The following UNC5D variants were observed in gnomAD, a reference collection of about 807,000 sequenced individuals.
The protein encoded by UNC5D is unc-5 netrin receptor D.
UNC5D carries 39 observed loss-of-function variants against 105.4 expected under a neutral mutation model. The ratio of observed to expected loss-of-function variants is 0.37; its 90% CI spans 0.29 to 0.48. UNC5D has a LOEUF of 0.48. Among genes scored for constraint, UNC5D ranks in the 20% least tolerant of loss-of-function variants. UNC5D has a pLI of 0.98. For missense variants in UNC5D, 991 were observed against 1,202.4 expected (o/e 0.82, Z 2.60); for synonymous variants, 452 against 450.4 (o/e 1.00, Z -0.04).
intron 16 of UNC5D, among the ~76,000 whole-genome samples, chr8:35,780,174 A>G (rs1802439005): frequency 6.6e-6 from 1 of 152,208 alleles, no homozygotes; most frequent in African/African-American, 2.4e-5. Flanking sequence ...GAACATGTAT[A>G]AGCACTTGCC....
intron 1 of UNC5D, among the ~76,000 whole-genome samples, chr8:35,433,644 T>C (rs1239073085): frequency 6.6e-6 from 1 of 152,000 alleles, no homozygotes; most frequent in Non-Finnish European, 1.5e-5. Flanking sequence ...TTATATCTTT[T>C]TAATTGGTTT....
intron 2 of UNC5D, 94 bp downstream of exon 2, chr8:35,549,604 G>A: frequency 8.3e-7 from 1 of 1,208,596 alleles, no homozygotes; most frequent in African/African-American, 1.5e-5. Context: ...ACCCCCCATT[G>A]CCTTGTGTGA....
intron 1 of UNC5D, among the ~76,000 whole-genome samples, chr8:35,283,200 C>T (rs935523631): frequency 2.6e-5 from 4 of 152,080 alleles, no homozygotes; most frequent in Non-Finnish European, 4.4e-5. Context: ...AAAATTTGCT[C>T]ATGTAATCTT....
At chr8:35,513,433 T>A (rs549915712) in intron 1 of UNC5D, among the ~76,000 whole-genome samples, 6 of 152,114 alleles carry the variant, frequency 3.9e-5, no homozygotes, top group African/African-American at 1.4e-4. Context: ...TTCATCATGT[T>A]GGTCAGGCTG....
intron 4 of UNC5D, among the ~76,000 whole-genome samples, chr8:35,679,752 G>C (rs1825532604): frequency 6.8e-6 from 1 of 146,526 alleles, no homozygotes; most frequent in South Asian, 2.1e-4. Context: ...GTCCTAGAAA[G>C]AAGATCATGG....
intron 11 of UNC5D, among the ~76,000 whole-genome samples, chr8:35,732,541 T>C (rs1237477493): frequency 2.6e-5 from 4 of 152,196 alleles, no homozygotes; most frequent in Non-Finnish European, 5.9e-5. Context: ...GTTCCCTGGA[T>C]GGAAGTCACC....
At chr8:35,369,636 G>A (rs1802317322) in intron 1 of UNC5D, among the ~76,000 whole-genome samples, 2 of 152,156 alleles carry the variant, frequency 1.3e-5, no homozygotes, top group Admixed American at 1.3e-4. Flanking sequence ...GTCCTGTGGA[G>A]CTCTTTTTTC....
chr8:35,769,055 G>A (rs1274087919), intron 15 of UNC5D, among the ~76,000 whole-genome samples: 1 of 152,110 alleles, frequency 6.6e-6, no homozygotes, highest in Non-Finnish European at 1.5e-5. Flanking sequence ...CATTTTCTGT[G>A]TCAGAAGATG....
chr8:35,314,381 A>G (rs958340180), intron 1 of UNC5D, among the ~76,000 whole-genome samples: 2 of 152,164 alleles, frequency 1.3e-5, no homozygotes, highest in African/African-American at 2.4e-5. Context: ...TGAAAGTACA[A>G]TTATTTTGCC....
In UNC5D at chr8:35,305,581, CTTTCTTTCTT is replaced by C. The variant is rs1563297676; in HGVS notation, c.103+69696_103+69705del. Among the ~76,000 whole-genome samples the C allele has an allele frequency of 2.1e-3, 193 of 93,620 alleles. 2 individuals are homozygous for C. Among genetic ancestry groups the C allele is most frequent in the African/African-American group, 5.1e-3 (109 of 21,504 alleles). 61.4% of individuals were successfully genotyped at this position (93,620 alleles called of 152,430 possible). ...TTCCTTCCTTTCTTTCTTTCTTTTTCTTTCTTTCTTTCTTTCTTTCTTTCTTTCTTTCTTT... is the reference window on the plus strand; with the variant it reads ...TTCCTTCCTTTCTTTCTTTCTTTTTCTCTTTCTTTCTTTCTTTCTTTCTTT... On this transcript the variant is annotated intron_variant, in intron 1 of 16. Transcript: ENST00000404895.
intron 1 of UNC5D, among the ~76,000 whole-genome samples, chr8:35,263,985 A>G (rs1388804493): frequency 6.6e-6 from 1 of 152,226 alleles, no homozygotes; most frequent in Non-Finnish European, 1.5e-5. Context: ...TAATACCAGT[A>G]TTTATTTAAT....
At chr8:35,633,667 A>G (rs1822186094) in intron 4 of UNC5D, among the ~76,000 whole-genome samples, 1 of 152,146 alleles carries the variant, frequency 6.6e-6, no homozygotes, top group South Asian at 2.1e-4. Flanking sequence ...AGGCAAGAGG[A>G]TTGCTTGAGC....
intron 1 of UNC5D, among the ~76,000 whole-genome samples, chr8:35,545,696 C>T (rs201429996): frequency 1.3e-5 from 2 of 151,960 alleles, no homozygotes; most frequent in Non-Finnish European, 2.9e-5. Flanking sequence ...ATTTTTTAGA[C>T]GGATGCAAAT....
chr8:35,243,286 C>G (rs1321386672), intron 1 of UNC5D, among the ~76,000 whole-genome samples: 1 of 152,144 alleles, frequency 6.6e-6, no homozygotes, highest in Non-Finnish European at 1.5e-5. Context: ...AATTTTAACT[C>G]AGACAAACAG....
At chr8:35,776,563 C>T (rs1802254507) in intron 16 of UNC5D, among the ~76,000 whole-genome samples, 1 of 152,140 alleles carries the variant, frequency 6.6e-6, no homozygotes, top group Non-Finnish European at 1.5e-5. Flanking sequence ...TACCCTGGAG[C>T]CAACTGCCCC....
chr8:35,334,230 T>C (rs1382410925), intron 1 of UNC5D, among the ~76,000 whole-genome samples: 1 of 151,702 alleles, frequency 6.6e-6, no homozygotes, highest in Non-Finnish European at 1.5e-5. Context: ...AAGGCAGAAG[T>C]AGCGTCAGTG....
chr8:35,503,146 C>G (rs751202384), intron 1 of UNC5D, among the ~76,000 whole-genome samples: 49 of 152,264 alleles, frequency 3.2e-4, no homozygotes, highest in Non-Finnish European at 4.0e-4. Context: ...CATGGCAGAG[C>G]AGGGACTCAA....
At chr8:35,264,833 C>A (rs887094369) in intron 1 of UNC5D, among the ~76,000 whole-genome samples, 3 of 152,014 alleles carry the variant, frequency 2.0e-5, no homozygotes, top group Non-Finnish European at 4.4e-5. Context: ...GCAGGGCCAT[C>A]CTGTGTACCT....
chr8:35,408,331 G>C (rs1418989109), intron 1 of UNC5D, among the ~76,000 whole-genome samples: 1 of 149,684 alleles, frequency 6.7e-6, no homozygotes, highest in Non-Finnish European at 1.5e-5. Context: ...TTATTTTTTT[G>C]GTTTAATATG....
Sources: gnomAD v4.1 joint callset for allele counts (sites outside exome capture counted in the v4.1 genomes callset) on GRCh38, gnomAD v4.1.1 for gene constraint, MANE v1.5 for transcripts, NCBI Gene and HGNC (gene_info 2026-07-23, HGNC 2026-07-21) for gene names.